DOCK8: variants seen among roughly 807,000 people sequenced by gnomAD.
DOCK8 encodes dedicator of cytokinesis 8, also known as dedicator of cytokinesis protein 8.
DOCK8 carries 141 observed loss-of-function variants against 245.6 expected under a neutral mutation model. The observed-to-expected ratio is 0.57, with a 90% confidence interval of 0.50 to 0.66. DOCK8 has a LOEUF of 0.66. Ranked by LOEUF, DOCK8 falls within the 30% of genes least tolerant of loss-of-function variation. DOCK8 has a pLI of 0.00. For synonymous variants in DOCK8, 1,168 were observed against 970.2 expected (o/e 1.20, Z -3.79); for missense variants, 2,965 against 2,603.4 (o/e 1.14, Z -3.02).
intron 1 of DOCK8, among the ~76,000 whole-genome samples, chr9:243,336 A>G (rs2047422154): frequency 1.3e-5 from 2 of 152,166 alleles, no homozygotes; most frequent in South Asian, 4.1e-4. Flanking sequence ...TGACATTGTG[A>G]ATCGCACTGC....
rs537339686 is a variant in DOCK8 at position 439,313 on chromosome 9, G to C, written c.5148G>C (p.Gly1716=). Residue 1716 remains glycine, a synonymous_variant, in exon 40 of 48, where the codon GGG becomes GGC. Transcript: ENST00000432829. ...SEDTLSPDED[G]VCAGQYFTES... is the part of the protein sequence containing the mutation. ...ACACCCTGTCACCTGACGAGGATGGGGTGTGCGCAGGCCAGTACTTCACCG... is the reference window on the plus strand; with the variant it reads ...ACACCCTGTCACCTGACGAGGATGGCGTGTGCGCAGGCCAGTACTTCACCG... 6.2e-7 allele frequency: 1 copy of C among 1,614,200 alleles called. No individual in the cohort carries two copies. The highest frequency in any genetic ancestry group is 2.2e-5 in the East Asian group (1 of 44,874).
In DOCK8 at chr9:397,019, T is replaced by G. The variant is rs559375753; in HGVS notation, c.3120+85T>G. The G allele has an allele frequency of 1.0e-5, 14 of 1,406,438 alleles. No homozygotes were observed. The South Asian group carries it at 1.5e-4, about 16-fold the overall frequency. The allele number at this position is 1,406,438 out of a possible 1,614,324, so 87.1% of individuals were successfully genotyped here. The stretch of plus-strand genomic sequence containing the variant: ...TAATCAGAGAAAAATAAGCATCATT[T>G]TAAAACAATAATTAAAATATAACTG... On this transcript the variant is annotated intron_variant, in intron 25 of 47. Transcript: ENST00000432829.
intron 14 of DOCK8, among the ~76,000 whole-genome samples, chr9:341,498 C>G (rs2051588229): frequency 6.6e-6 from 1 of 152,162 alleles, no homozygotes; most frequent in Non-Finnish European, 1.5e-5. Flanking sequence ...AAAAGAAATA[C>G]AGTGGTACTG....
At chr9:280,603 C>T (rs775893811) in intron 2 of DOCK8, among the ~76,000 whole-genome samples, 5 of 152,222 alleles carry the variant, frequency 3.3e-5, no homozygotes, top group Non-Finnish European at 7.3e-5. Flanking sequence ...TTAGAAAAGG[C>T]TTCCCACTGG....
chr9:349,649 C>G (rs758866366), intron 14 of DOCK8, among the ~76,000 whole-genome samples: 6 of 152,188 alleles, frequency 3.9e-5, no homozygotes, highest in Non-Finnish European at 8.8e-5. Context: ...TATCAGGGCT[C>G]AAAGACAAGT....
At chr9:218,466 C>A (rs959782724) in intron 1 of DOCK8, among the ~76,000 whole-genome samples, 1 of 152,076 alleles carries the variant, frequency 6.6e-6, no homozygotes. Context: ...TGCTGACTTG[C>A]GTGCCAAGGA....
chr9:252,394 T>C (rs1290862355), intron 1 of DOCK8, among the ~76,000 whole-genome samples: 1 of 152,154 alleles, frequency 6.6e-6, no homozygotes, highest in Admixed American at 6.5e-5. Flanking sequence ...ACACAATTAG[T>C]AGATGATTAT....
intron 1 of DOCK8, 196 bp downstream of exon 1, chr9:215,225 C>A (rs1022589508): frequency 1.3e-6 from 2 of 1,553,098 alleles, no homozygotes; most frequent in African/African-American, 2.8e-5. Flanking sequence ...GCGCTGGGCC[C>A]GGCGAGGTCC....
At position 260,058 on chromosome 9, in the gene DOCK8, A is replaced by T. The variant is rs1454555099; in HGVS notation, c.54-11569A>T. Among the ~76,000 whole-genome samples, 2 of 152,356 alleles carry T rather than the reference A, an allele frequency of 1.3e-5. 1 individual carries two copies. The highest frequency in any genetic ancestry group is 6.8e-3 in the Middle Eastern group (2 of 294). On this transcript the variant is annotated intron_variant, in intron 1 of 47. Coordinates refer to ENST00000432829, the MANE Select transcript of DOCK8 (RefSeq NM_203447.4). ...GTAAACTAGATATGGGTTGCTAGGG[A>T]CATGGGCAAGAAACCATGGGTGGGG...
chr9:354,655 G>C (rs1256908740), intron 14 of DOCK8, among the ~76,000 whole-genome samples: 1 of 152,160 alleles, frequency 6.6e-6, no homozygotes, highest in Non-Finnish European at 1.5e-5. Flanking sequence ...CCACTTCCAA[G>C]CTCACTCATG....
chr9:252,996 A>G (rs1325079133), intron 1 of DOCK8, among the ~76,000 whole-genome samples: 1 of 152,132 alleles, frequency 6.6e-6, no homozygotes, highest in African/African-American at 2.4e-5. Flanking sequence ...CAGAGGTTTG[A>G]TTCAAAATGT....
intron 32 of DOCK8, among the ~76,000 whole-genome samples, chr9:421,659 T>A (rs1325919300): frequency 2.0e-5 from 3 of 152,138 alleles, no homozygotes; most frequent in Non-Finnish European, 4.4e-5. Context: ...AGTGACAGCT[T>A]ATTGTATTCG....
chr9:379,694 C>T (rs1444671790), intron 20 of DOCK8, 77 bp from the exon 21 acceptor site: 5 of 1,521,844 alleles, frequency 3.3e-6, no homozygotes, highest in African/African-American at 1.4e-5. Context: ...CTCATTGTCA[C>T]TGTCCTGGAG....
intron 1 of DOCK8, among the ~76,000 whole-genome samples, chr9:241,774 T>G (rs1485546162): frequency 1.3e-5 from 2 of 152,176 alleles, no homozygotes; most frequent in East Asian, 3.8e-4. Flanking sequence ...TAGTTCTAAT[T>G]AGCAAATTCT....
intron 29 of DOCK8, among the ~76,000 whole-genome samples, chr9:415,678 G>C (rs990314594): frequency 7.1e-6 from 1 of 140,130 alleles, no homozygotes; most frequent in East Asian, 2.1e-4. Flanking sequence ...GTGTGTGCAC[G>C]TGTGTGCGCG....
In DOCK8 at chr9:317,958, A is replaced by T. The variant is rs560927283; in HGVS notation, c.827+830A>T. On this transcript the variant is annotated intron_variant, in intron 7 of 47. Coordinates refer to ENST00000432829, the MANE Select transcript of DOCK8 (RefSeq NM_203447.4). ...AAAGTAGTTGCATCCAAACGTTTCA[A>T]TTGTATACTATGATAGCAAAAAAAA... Among the ~76,000 whole-genome samples, 6 of 124,254 alleles carry T rather than the reference A, an allele frequency of 4.8e-5. No individual in the cohort carries two copies. The East Asian group carries it at 1.4e-3, about 28-fold the overall frequency. 81.5% of individuals were successfully genotyped at this position (124,254 alleles called of 152,430 possible).
At chr9:360,348 G>A (rs967688098) in intron 14 of DOCK8, among the ~76,000 whole-genome samples, 14 of 150,248 alleles carry the variant, frequency 9.3e-5, no homozygotes, top group African/African-American at 3.2e-4. Context: ...GAATAAAATA[G>A]AAACACTGAT....
intron 39 of DOCK8, among the ~76,000 whole-genome samples, chr9:436,647 T>C (rs1289013835): frequency 6.6e-6 from 1 of 152,258 alleles, no homozygotes; most frequent in Non-Finnish European, 1.5e-5. Context: ...GATTTGCTAA[T>C]AATGACATGC....
At chr9:241,881 T>C (rs2047381717) in intron 1 of DOCK8, among the ~76,000 whole-genome samples, 1 of 152,170 alleles carries the variant, frequency 6.6e-6, no homozygotes, top group Non-Finnish European at 1.5e-5. Context: ...CCTGAGTAGC[T>C]AGGATTACAG....
Sources: allele counts gnomAD v4.1 joint callset (sites outside exome capture counted in the v4.1 genomes callset), GRCh38; gene constraint gnomAD v4.1.1; transcripts MANE v1.5; gene names NCBI Gene and HGNC (gene_info 2026-07-23, HGNC 2026-07-21).